DAPK1: variants seen among roughly 807,000 people sequenced by gnomAD.
The protein encoded by DAPK1 is death-associated protein kinase 1.
DAPK1 carries 56 observed loss-of-function variants against 144.9 expected under a neutral mutation model. That is an observed-to-expected ratio of 0.39 (90% CI 0.31 to 0.48). The LOEUF is 0.48. Among genes scored for constraint, DAPK1 ranks in the 20% least tolerant of loss-of-function variants. The pLI, the probability that DAPK1 is intolerant of heterozygous loss-of-function variation, is 0.95. For synonymous variants in DAPK1, 690 were observed against 749.0 expected, an observed-to-expected ratio of 0.92 and a Z score of 1.29; for missense variants, 1,454 against 1,875.4, an observed-to-expected ratio of 0.78 and a Z score of 4.15.
chr9:87,559,952 TCTC>T (rs1563993810), intron 2 of DAPK1, among the ~76,000 whole-genome samples: 1 of 151,400 alleles, frequency 6.6e-6, no homozygotes, highest in Non-Finnish European at 1.5e-5. Context: ...GTTTATGAAG[TCTC>T]CTCTCTCCTC....
At chr9:87,520,712 T>A (rs1350338914) in intron 2 of DAPK1, among the ~76,000 whole-genome samples, 1 of 152,208 alleles carries the variant, frequency 6.6e-6, no homozygotes, top group Non-Finnish European at 1.5e-5. Flanking sequence ...AAGTTAAGCT[T>A]GAGGCAGCAG....
At chr9:87,656,355 C>T (rs377590829) in intron 17 of DAPK1, among the ~76,000 whole-genome samples, 1 of 152,112 alleles carries the variant, frequency 6.6e-6, no homozygotes, top group East Asian at 1.9e-4. Flanking sequence ...CCAACCTGGG[C>T]CCTTCAACAG....
chr9:87,540,030 G>A (rs562909644), intron 2 of DAPK1, among the ~76,000 whole-genome samples: 14 of 151,838 alleles, frequency 9.2e-5, no homozygotes, highest in Admixed American at 2.0e-4. Flanking sequence ...GGAAGTTCTC[G>A]ACTTAAGGAA....
intron 21 of DAPK1, among the ~76,000 whole-genome samples, chr9:87,693,945 C>T (rs1186556491): frequency 6.6e-6 from 1 of 152,126 alleles, no homozygotes; most frequent in Non-Finnish European, 1.5e-5. Context: ...TCCTCAGAAC[C>T]TAGTGGTGGC....
chr9:87,656,080 A>G (rs148796805), intron 17 of DAPK1, among the ~76,000 whole-genome samples: 1 of 152,342 alleles, frequency 6.6e-6, no homozygotes, highest in African/African-American at 2.4e-5. Flanking sequence ...AGAAGCAACA[A>G]TTCAGATATT....
At chr9:87,680,098 T>G (rs1203589049) in intron 19 of DAPK1, among the ~76,000 whole-genome samples, 2 of 151,526 alleles carry the variant, frequency 1.3e-5, no homozygotes, top group African/African-American at 4.8e-5. Context: ...ATTTATTTAT[T>G]TATTTATTTA....
intron 2 of DAPK1, among the ~76,000 whole-genome samples, chr9:87,602,728 G>A (rs891602708): frequency 2.6e-5 from 4 of 151,962 alleles, no homozygotes; most frequent in Non-Finnish European, 5.9e-5. Flanking sequence ...CCACCTCCCA[G>A]GTTCAAGCAA....
In DAPK1 at chr9:87,708,031, G is replaced by T; in HGVS notation, c.*667G>T. Reference sequence around the variant, plus strand: ...TTCACCCTGAGTTTTGTTTTGTATTGTTTTCTGACAGTTTTTCTGTTTTGT... The same window carrying T: ...TTCACCCTGAGTTTTGTTTTGTATTTTTTTCTGACAGTTTTTCTGTTTTGT... On this transcript the variant is annotated 3_prime_UTR_variant, in exon 26 of 26. Transcript: ENST00000408954. 1 of 299,940 alleles carries T rather than the reference G, an allele frequency of 3.3e-6. No individual in the cohort carries two copies. The highest frequency in any genetic ancestry group is 2.2e-5 in the African/African-American group (1 of 44,992). 18.6% of individuals were successfully genotyped at this position (299,940 alleles called of 1,614,324 possible).
intron 2 of DAPK1, among the ~76,000 whole-genome samples, chr9:87,528,967 A>G (rs11141866): frequency 0.45 from 67,913 of 151,592 alleles, 15,486 homozygotes; most frequent in South Asian, 0.58. Flanking sequence ...AGGGACATTC[A>G]ACTGGTAAGG....
At chr9:87,681,747 G>A (rs773028940) in intron 20 of DAPK1, 121 bp downstream of exon 20, 54 of 689,916 alleles carry the variant, frequency 7.8e-5, no homozygotes, top group Middle Eastern at 2.4e-4. Context: ...TGGACCCTGT[G>A]GCCTTAGTGG....
intron 18 of DAPK1, among the ~76,000 whole-genome samples, chr9:87,659,282 ATGGGG>A (rs1830745506): frequency 6.6e-6 from 1 of 152,068 alleles, no homozygotes; most frequent in South Asian, 2.1e-4. Flanking sequence ...AGTACTCCGC[ATGGGG>A]TGAGGCCCCT....
At chr9:87,566,101 AG>A (rs1409237153) in intron 2 of DAPK1, among the ~76,000 whole-genome samples, 1 of 150,712 alleles carries the variant, frequency 6.6e-6, no homozygotes, top group Non-Finnish European at 1.5e-5. Flanking sequence ...GCTCACTGCA[AG>A]CTCCGCCTCC....
chr9:87,564,948 A>G (rs1036971063), intron 2 of DAPK1, among the ~76,000 whole-genome samples: 2 of 152,168 alleles, frequency 1.3e-5, no homozygotes, highest in South Asian at 2.1e-4. Flanking sequence ...GGAAGAGCTG[A>G]TAGCCCTGTG....
chr9:87,639,320 A>G (rs377217086), intron 4 of DAPK1, 34 bp from the exon 5 acceptor site: 42 of 1,562,566 alleles, frequency 2.7e-5, no homozygotes, highest in Non-Finnish European at 3.5e-5. Context: ...ATAACATATC[A>G]TAGCTTTTTA....
intron 3 of DAPK1, among the ~76,000 whole-genome samples, chr9:87,609,193 G>A (rs561178626): frequency 1.7e-4 from 26 of 152,248 alleles, no homozygotes; most frequent in Middle Eastern, 6.8e-3. Flanking sequence ...CTCTTCCTGC[G>A]TCTTGAGCCT....
At chr9:87,616,247 G>T (rs941260261) in intron 3 of DAPK1, among the ~76,000 whole-genome samples, 2 of 152,204 alleles carry the variant, frequency 1.3e-5, no homozygotes, top group African/African-American at 4.8e-5. Flanking sequence ...GCTTCATGGG[G>T]GCTCTGGTGT....
At chr9:87,577,322 C>T (rs1003161380) in intron 2 of DAPK1, among the ~76,000 whole-genome samples, 6 of 152,168 alleles carry the variant, frequency 3.9e-5, no homozygotes, top group Non-Finnish European at 8.8e-5. Context: ...AACTAGACTT[C>T]AGGTGATTTG....
chr9:87,523,419 C>T (rs1277453795), intron 2 of DAPK1, among the ~76,000 whole-genome samples: 1 of 152,088 alleles, frequency 6.6e-6, no homozygotes, highest in Non-Finnish European at 1.5e-5. Flanking sequence ...ACCTCAGCCT[C>T]CTGAGTAGCT....
At chr9:87,670,362 T>C (rs527479851) in intron 19 of DAPK1, among the ~76,000 whole-genome samples, 1 of 152,170 alleles carries the variant, frequency 6.6e-6, no homozygotes, top group South Asian at 2.1e-4. Context: ...CAGCATCCAT[T>C]GATAGTGAAA....
Sources: gnomAD v4.1 joint callset for allele counts (sites outside exome capture counted in the v4.1 genomes callset) on GRCh38, gnomAD v4.1.1 for gene constraint, MANE v1.5 for transcripts, NCBI Gene and HGNC (gene_info 2026-07-23, HGNC 2026-07-21) for gene names.